PAQR5: variants seen among roughly 807,000 people sequenced by gnomAD.
PAQR5 encodes membrane progestin receptor gamma.
PAQR5 carries 20 observed loss-of-function variants against 34.5 expected under a neutral mutation model. The ratio of observed to expected loss-of-function variants is 0.58; its 90% CI spans 0.41 to 0.84. PAQR5 has a LOEUF of 0.84. Ranked by LOEUF, PAQR5 falls within the 40% of genes least tolerant of loss-of-function variation. The probability of loss-of-function intolerance (pLI) is 0.00; values close to 1 mark genes in which losing one functional copy is unlikely to be tolerated. For synonymous variants in PAQR5, 131 were observed against 155.6 expected, an observed-to-expected ratio of 0.84 and a Z score of 1.18; for missense variants, 378 against 412.7, an observed-to-expected ratio of 0.92 and a Z score of 0.73.
At chr15:69,354,728 G>T (rs1475863352) in intron 2 of PAQR5, among the ~76,000 whole-genome samples, 1 of 152,090 alleles carries the variant, frequency 6.6e-6, no homozygotes, top group Admixed American at 6.6e-5. Context: ...GTGATTTCTG[G>T]GTGTGTCTGC....
chr15:69,384,597 G>T, intron 4 of PAQR5, 80 bp from the exon 5 acceptor site: 1 of 759,910 alleles, frequency 1.3e-6, no homozygotes, highest in East Asian at 2.5e-5. Flanking sequence ...GAAGGTGAGC[G>T]GGTCCTCTGT....
intron 2 of PAQR5, among the ~76,000 whole-genome samples, chr15:69,344,286 T>C (rs1245841563): frequency 6.6e-6 from 1 of 152,228 alleles, no homozygotes; most frequent in African/African-American, 2.4e-5. Flanking sequence ...CTGGGCTCAT[T>C]CAGAGGAGTG....
chr15:69,331,051 T>G (rs568302561), intron 1 of PAQR5, among the ~76,000 whole-genome samples: 13 of 152,294 alleles, frequency 8.5e-5, no homozygotes, highest in Non-Finnish European at 1.9e-4. Context: ...TACATCGATC[T>G]AATTGCAATG....
intron 3 of PAQR5, among the ~76,000 whole-genome samples, chr15:69,367,750 ATTC>A (rs1195511401): frequency 2.0e-5 from 3 of 152,228 alleles, no homozygotes; most frequent in African/African-American, 7.2e-5. Flanking sequence ...ATGGGGGAGT[ATTC>A]TCAGGAACAA....
chr15:69,332,596 T>C (rs1008127441), intron 1 of PAQR5, among the ~76,000 whole-genome samples: 2 of 152,050 alleles, frequency 1.3e-5, no homozygotes, highest in Non-Finnish European at 2.9e-5. Context: ...TTTTTGACAA[T>C]GGCAGCCTGA....
intron 1 of PAQR5, among the ~76,000 whole-genome samples, chr15:69,326,305 C>T (rs1357759540): frequency 6.6e-6 from 1 of 152,194 alleles, no homozygotes; most frequent in East Asian, 1.9e-4. Context: ...GGGTGAGTAT[C>T]CATGTGAAGA....
intron 2 of PAQR5, among the ~76,000 whole-genome samples, chr15:69,339,141 C>G (rs1464044442): frequency 6.7e-6 from 1 of 148,536 alleles, no homozygotes; most frequent in Non-Finnish European, 1.5e-5. Flanking sequence ...TCATCCCTGA[C>G]CAGTCACCAC....
chr15:69,301,996 G>T (rs1423685990), intron 1 of PAQR5, among the ~76,000 whole-genome samples: 3 of 150,458 alleles, frequency 2.0e-5, no homozygotes, highest in Non-Finnish European at 2.9e-5. Flanking sequence ...GTAGGTTTGT[G>T]CATGGGCTTG....
At chr15:69,312,187 G>A (rs1450582318) in intron 1 of PAQR5, among the ~76,000 whole-genome samples, 1 of 152,158 alleles carries the variant, frequency 6.6e-6, no homozygotes, top group African/African-American at 2.4e-5. Flanking sequence ...CTGCAATGAG[G>A]AGGTTAATCT....
chr15:69,391,637 C>A (rs2056275941), intron 6 of PAQR5: 1 of 456,016 alleles, frequency 2.2e-6, no homozygotes, highest in Non-Finnish European at 4.4e-6. Context: ...CCAGTCACTG[C>A]CCCATCTGGT....
intron 2 of PAQR5, among the ~76,000 whole-genome samples, chr15:69,342,746 C>A (rs1385101820): frequency 3.3e-5 from 5 of 152,190 alleles, no homozygotes; most frequent in Non-Finnish European, 7.3e-5. Context: ...GGAGATTAGA[C>A]AGGAGCCCCA....
In PAQR5 at chr15:69,323,129, C is replaced by A. The variant is rs184995257; in HGVS notation, c.-276-14212C>A. Among the ~76,000 whole-genome samples, 15 of 152,320 alleles carry A rather than the reference C, an allele frequency of 9.8e-5. No individual in the cohort carries two copies. The East Asian group carries it at 2.1e-3, about 22-fold the overall frequency. ...TGGAACATGGGGCAGGAGAAGAGAA[C>A]CTTGCAGGAACAATGAGGAGGATTT... On this transcript the variant is annotated intron_variant, in intron 1 of 8. Transcript: ENST00000395407.
At chr15:69,318,701 A>G (rs139908149) in intron 1 of PAQR5, among the ~76,000 whole-genome samples, 3 of 152,126 alleles carry the variant, frequency 2.0e-5, no homozygotes, top group African/African-American at 7.2e-5. Context: ...GCCTGAAACC[A>G]CAGATAGTAC....
rs142708044 is a variant in PAQR5 at position 69,389,167 on chromosome 15, C to A, written c.386-487C>A. On this transcript the variant is annotated intron_variant, in intron 5 of 8. Coordinates refer to ENST00000395407, the MANE Select transcript of PAQR5 (RefSeq NM_017705.4). ...ATCTTTCTACCAGGAGCACCCATGT[C>A]CCTGGGCAGGTGAGATGTGCACACT... Among the ~76,000 whole-genome samples, 862 of 152,322 alleles carry A rather than the reference C, an allele frequency of 5.7e-3. 6 individuals are homozygous for A. Among genetic ancestry groups the A allele is most frequent in the Non-Finnish European group, 7.9e-3 (535 of 68,026 alleles).
chr15:69,304,121 C>T (rs752603597), intron 1 of PAQR5, among the ~76,000 whole-genome samples: 1 of 152,178 alleles, frequency 6.6e-6, no homozygotes, highest in East Asian at 1.9e-4. Flanking sequence ...ATGGGGCCTT[C>T]TTCTGTGACT....
At chr15:69,374,654 G>A (rs970346909) in intron 3 of PAQR5, among the ~76,000 whole-genome samples, 5 of 152,124 alleles carry the variant, frequency 3.3e-5, no homozygotes, top group Admixed American at 2.0e-4. Context: ...TCCAGCCTGG[G>A]CAACAGAGTG....
At chr15:69,363,042 C>T (rs1052443325) in intron 3 of PAQR5, among the ~76,000 whole-genome samples, 10 of 152,166 alleles carry the variant, frequency 6.6e-5, no homozygotes, top group Admixed American at 5.9e-4. Context: ...CTCCCTTCCC[C>T]GAGCTCCTTC....
chr15:69,365,780 A>T (rs576373850), intron 3 of PAQR5, among the ~76,000 whole-genome samples: 1 of 152,176 alleles, frequency 6.6e-6, no homozygotes, highest in African/African-American at 2.4e-5. Flanking sequence ...AGTAGTTGGT[A>T]GAATTTGTCT....
chr15:69,370,246 T>C (rs755583934), intron 3 of PAQR5, among the ~76,000 whole-genome samples: 1 of 152,212 alleles, frequency 6.6e-6, no homozygotes, highest in African/African-American at 2.4e-5. Flanking sequence ...ATCTTGGTTC[T>C]GCTATTTATT....
Sources: allele counts gnomAD v4.1 joint callset (sites outside exome capture counted in the v4.1 genomes callset), GRCh38; gene constraint gnomAD v4.1.1; transcripts MANE v1.5; gene names NCBI Gene and HGNC (gene_info 2026-07-23, HGNC 2026-07-21).